Variants in KHDRBS2 observed in about 807,000 individuals in gnomAD.
KHDRBS2 encodes the protein KH RNA binding domain containing, signal transduction associated 2, also known as KH domain-containing, RNA-binding, signal transduction-associated protein 2.
KHDRBS2 carries 26 observed loss-of-function variants against 44.3 expected under a neutral mutation model. That is an observed-to-expected ratio of 0.59 (90% CI 0.43 to 0.81). The LOEUF (loss-of-function observed/expected upper bound fraction) is 0.81, where lower values mean the gene tolerates loss of function less well. KHDRBS2 is among the 40% of genes least tolerant of loss of function. KHDRBS2 has a pLI of 0.00. For synonymous variants in KHDRBS2, 194 were observed against 151.1 expected (o/e 1.28, Z -2.08); for missense variants, 476 against 433.1 (o/e 1.10, Z -0.88).
intron 4 of KHDRBS2, among the ~76,000 whole-genome samples, chr6:61,910,007 G>A (rs1805762138): frequency 6.6e-6 from 1 of 152,190 alleles, no homozygotes; most frequent in Non-Finnish European, 1.5e-5. Context: ...GATACGTAGG[G>A]AAATGATATG....
the KHDRBS2 span, among the ~76,000 whole-genome samples, chr6:61,639,209 G>C: frequency 2.6e-5 from 4 of 152,042 alleles, no homozygotes; most frequent in African/African-American, 9.6e-5. Context: ...AATGAATATA[G>C]CTTAGTGACT....
At chr6:61,801,740 G>C (rs905529650) in intron 6 of KHDRBS2, among the ~76,000 whole-genome samples, 11 of 152,080 alleles carry the variant, frequency 7.2e-5, no homozygotes, top group African/African-American at 2.7e-4. Context: ...TATGGTCTTT[G>C]TCCCATTTCA....
chr6:61,895,849 C>T (rs1562391677), intron 5 of KHDRBS2, among the ~76,000 whole-genome samples: 1 of 152,168 alleles, frequency 6.6e-6, no homozygotes, highest in Non-Finnish European at 1.5e-5. Context: ...ATAGGTTATG[C>T]TGTCTGCTAT....
intron 2 of KHDRBS2, among the ~76,000 whole-genome samples, chr6:62,087,654 C>G (rs961066514): frequency 6.6e-6 from 1 of 152,108 alleles, no homozygotes; most frequent in African/African-American, 2.4e-5. Flanking sequence ...CTTGGTGAAT[C>G]TGATCATTAT....
At chr6:61,639,420 G>A in the KHDRBS2 span, among the ~76,000 whole-genome samples, 2,060 of 151,760 alleles carry the variant, frequency 0.014, 50 homozygotes, top group African/African-American at 0.048. Flanking sequence ...AAAATCTATA[G>A]AATGAACATT....
At chr6:61,836,972 T>A (rs1217108448) in intron 6 of KHDRBS2, among the ~76,000 whole-genome samples, 2 of 151,988 alleles carry the variant, frequency 1.3e-5, no homozygotes, top group Non-Finnish European at 2.9e-5. Flanking sequence ...AAAATTTATC[T>A]ATTGTGCAGT....
intron 2 of KHDRBS2, among the ~76,000 whole-genome samples, chr6:62,060,811 T>C (rs1406766422): frequency 1.3e-5 from 2 of 151,864 alleles, no homozygotes; most frequent in East Asian, 3.9e-4. Context: ...TCATTTATAC[T>C]AAGTAGAAAA....
chr6:61,860,708 G>C (rs534497274), intron 6 of KHDRBS2, among the ~76,000 whole-genome samples: 1 of 152,108 alleles, frequency 6.6e-6, no homozygotes, highest in African/African-American at 2.4e-5. Context: ...AAAATAGAAT[G>C]GTTTCTCTTC....
At chr6:61,894,019 G>T (rs571903151) in intron 6 of KHDRBS2, among the ~76,000 whole-genome samples, 10 of 152,094 alleles carry the variant, frequency 6.6e-5, no homozygotes, top group Admixed American at 1.3e-4. Context: ...TGTAATTAGT[G>T]GAATACTGAC....
At chr6:62,006,817 G>A (rs1196562651) in intron 3 of KHDRBS2, among the ~76,000 whole-genome samples, 2 of 151,822 alleles carry the variant, frequency 1.3e-5, no homozygotes, top group Non-Finnish European at 2.9e-5. Flanking sequence ...GCAAATTATA[G>A]ATATCAAAGG....
chr6:62,245,916 A>G (rs555185904), intron 1 of KHDRBS2, among the ~76,000 whole-genome samples: 1 of 151,834 alleles, frequency 6.6e-6, no homozygotes, highest in Admixed American at 6.6e-5. Context: ...GTGACTTTGA[A>G]TACAAGAATG....
chr6:61,569,656 C>A, the KHDRBS2 span, among the ~76,000 whole-genome samples: 3 of 152,204 alleles, frequency 2.0e-5, no homozygotes, highest in South Asian at 4.1e-4. Context: ...CAACCAAAGA[C>A]TTCCACAGAG....
the KHDRBS2 span, among the ~76,000 whole-genome samples, chr6:61,626,551 A>G: frequency 6.6e-6 from 1 of 152,222 alleles, no homozygotes; most frequent in Non-Finnish European, 1.5e-5. Context: ...CTTTGGACTT[A>G]TGTATTTTTT....
At chr6:61,777,710 T>C (rs1376811234) in intron 6 of KHDRBS2, among the ~76,000 whole-genome samples, 1 of 152,122 alleles carries the variant, frequency 6.6e-6, no homozygotes, top group Non-Finnish European at 1.5e-5. Flanking sequence ...CCTTCCTTAG[T>C]TTGGGAAAGA....
At chr6:61,571,815 A>G in the KHDRBS2 span, among the ~76,000 whole-genome samples, 1,754 of 152,224 alleles carry the variant, frequency 0.012, 30 homozygotes, top group African/African-American at 0.041. Context: ...TACATTGTAC[A>G]AAAGCAGTAC....
intron 3 of KHDRBS2, among the ~76,000 whole-genome samples, chr6:62,038,534 T>TA (rs1442470005): frequency 6.6e-6 from 1 of 152,068 alleles, no homozygotes; most frequent in East Asian, 1.9e-4. Flanking sequence ...CTTGTGAATT[T>TA]AAAAAACTGG....
chr6:62,109,804 G>C (rs752402115), intron 2 of KHDRBS2, among the ~76,000 whole-genome samples: 1 of 150,004 alleles, frequency 6.7e-6, no homozygotes, highest in Non-Finnish European at 1.5e-5. Flanking sequence ...AAGGGAGAGA[G>C]AAAAAGAGGG....
chr6:61,769,247 C>T (rs934177381), intron 6 of KHDRBS2, among the ~76,000 whole-genome samples: 23 of 152,060 alleles, frequency 1.5e-4, no homozygotes, highest in African/African-American at 2.4e-4. Flanking sequence ...ACACAGAACA[C>T]GGGTGATTTC....
rs573060626 is a variant in KHDRBS2 at position 61,755,757 on chromosome 6, G to A, written c.811-22993C>T. Among the ~76,000 whole-genome samples, 5 of 147,678 alleles carry A rather than the reference G, an allele frequency of 3.4e-5. No individual in the cohort carries two copies. In the East Asian group the frequency reaches 8.0e-4, roughly 24 times the overall value. On this transcript the variant is annotated intron_variant, in intron 6 of 8. Transcript: ENST00000281156. Reference sequence around the variant, plus strand: ...GGAGGTTGCAGTGAGCCGAGATAAGGCCATTGCACTCCAGCCTGGGCAACA... The same window carrying A: ...GGAGGTTGCAGTGAGCCGAGATAAGACCATTGCACTCCAGCCTGGGCAACA...
Sources: gnomAD v4.1 joint callset for allele counts (sites outside exome capture counted in the v4.1 genomes callset) on GRCh38, gnomAD v4.1.1 for gene constraint, MANE v1.5 for transcripts, NCBI Gene and HGNC (gene_info 2026-07-23, HGNC 2026-07-21) for gene names.